The following CLVS2 variants were observed in gnomAD, a reference collection of about 807,000 sequenced individuals.
CLVS2 encodes clavesin 2, also known as clavesin-2.
CLVS2 carries 19 observed loss-of-function variants against 29.0 expected under a neutral mutation model. The ratio of observed to expected loss-of-function variants is 0.66; its 90% CI spans 0.46 to 0.96. CLVS2 has a LOEUF of 0.96. CLVS2 is among the 40% of genes least tolerant of loss of function. CLVS2 has a pLI of 0.00. For synonymous variants in CLVS2, 161 were observed against 151.3 expected, an observed-to-expected ratio of 1.06 and a Z score of -0.47; for missense variants, 294 against 404.1, an observed-to-expected ratio of 0.73 and a Z score of 2.34.
At chr6:123,058,758 G>A (rs1200640479) in intron 5 of CLVS2, among the ~76,000 whole-genome samples, 1 of 151,962 alleles carries the variant, frequency 6.6e-6, no homozygotes, top group Non-Finnish European at 1.5e-5. Flanking sequence ...CTCAAGCAAT[G>A]CTACCACCTC....
chr6:123,025,081 A>G (rs983032915), intron 3 of CLVS2, among the ~76,000 whole-genome samples: 2 of 152,140 alleles, frequency 1.3e-5, no homozygotes, highest in African/African-American at 4.8e-5. Context: ...TACCAAGGGT[A>G]TAAAATTACT....
rs1772903785 is a variant in CLVS2, at chr6:123,069,149, C to CTAT, written c.*5388_*5389insTAT. 6.6e-6 allele frequency: 1 copy of CTAT among 151,488 alleles called. No individual in the cohort carries two copies. Among genetic ancestry groups the CTAT allele is most frequent in the Non-Finnish European group, 1.5e-5 (1 of 67,722 alleles). 9.4% of individuals were successfully genotyped at this position (151,488 alleles called of 1,614,324 possible). A position where few individuals can be genotyped will look rare whatever the true frequency, so the allele number is the denominator to read the frequency against. On this transcript the variant is annotated 3_prime_UTR_variant, in exon 6 of 6. Coordinates refer to ENST00000275162, the MANE Select transcript of CLVS2 (RefSeq NM_001010852.4). ...ATTCTATAACTTCTAGTCAAACTTT[C>CTAT]AAATGAAAGTTTGAAAGAAGTAAAC...
intron 2 of CLVS2, among the ~76,000 whole-genome samples, chr6:123,004,354 T>C (rs1774633409): frequency 6.6e-6 from 1 of 152,204 alleles, no homozygotes; most frequent in African/African-American, 2.4e-5. Flanking sequence ...TTGTTCTCAC[T>C]CACCTACATT....
At position 123,014,782 on chromosome 6, in the gene CLVS2, A is replaced by G. The variant is rs371384659; in HGVS notation, c.564+3623A>G. Among the ~76,000 whole-genome samples, 7 of 152,200 alleles carry G rather than the reference A, an allele frequency of 4.6e-5. 1 individual carries two copies. Among genetic ancestry groups the G allele is most frequent in the African/African-American group, 1.7e-4 (7 of 41,550 alleles). The stretch of plus-strand genomic sequence containing the variant: ...ACTTTGGGAATCTGAATAATACCAT[A>G]GTATTCTTTTGGTGCTCAGACTTTA... On this transcript the variant is annotated intron_variant, in intron 3 of 5. Coordinates refer to ENST00000275162, the MANE Select transcript of CLVS2 (RefSeq NM_001010852.4).
chr6:123,010,646 C>T (rs1201705569), intron 2 of CLVS2, among the ~76,000 whole-genome samples: 1 of 151,998 alleles, frequency 6.6e-6, no homozygotes, highest in Non-Finnish European at 1.5e-5. Flanking sequence ...GTCAATATTA[C>T]TGAAGGCATT....
chr6:123,054,722 G>T (rs1453010629), intron 4 of CLVS2, among the ~76,000 whole-genome samples: 1 of 152,108 alleles, frequency 6.6e-6, no homozygotes, highest in African/African-American at 2.4e-5. Context: ...TGTTGTAGCA[G>T]AGAAGGCCAA....
intron 4 of CLVS2, among the ~76,000 whole-genome samples, chr6:123,052,665 T>G (rs569099572): frequency 1.3e-5 from 2 of 152,250 alleles, no homozygotes; most frequent in East Asian, 3.9e-4. Context: ...CCAAAAAGAT[T>G]TACTGACAAC....
chr6:123,061,219 C>T (rs4613837), intron 5 of CLVS2, among the ~76,000 whole-genome samples: 110,431 of 151,820 alleles, frequency 0.73, 40,360 homozygotes, highest in East Asian at 0.88. Context: ...ATCAGTTGAA[C>T]CCGGGAGGCG....
chr6:123,061,306 A>C (rs1772774313), intron 5 of CLVS2, among the ~76,000 whole-genome samples: 3 of 149,756 alleles, frequency 2.0e-5, no homozygotes, highest in African/African-American at 7.7e-5. Context: ...CAAACAAAAC[A>C]AAACCGAAAA....
rs1467050103 is a variant in CLVS2 at position 123,065,379 on chromosome 6, C to T, written c.*1618C>T. The T allele has an allele frequency of 6.6e-6, 1 of 151,662 alleles. No homozygotes were observed. Among genetic ancestry groups the T allele is most frequent in the African/African-American group, 2.4e-5 (1 of 41,348 alleles). The allele number at this position is 151,662 out of a possible 1,614,324, so 9.4% of individuals were successfully genotyped here. A position where few individuals can be genotyped will look rare whatever the true frequency, so the allele number is the denominator to read the frequency against. ...TTCATATTTTTTGGCCAAAAGCTCCCAAAATTTGTTATAATTCTGCAGCCA... is the reference window on the plus strand; with the variant it reads ...TTCATATTTTTTGGCCAAAAGCTCCTAAAATTTGTTATAATTCTGCAGCCA... On this transcript the variant is annotated 3_prime_UTR_variant, in exon 6 of 6. Coordinates refer to ENST00000275162, the MANE Select transcript of CLVS2 (RefSeq NM_001010852.4).
rs1026670353 is a variant in CLVS2 at position 123,066,188 on chromosome 6, C to T, written c.*2427C>T. ...TATTCATTCAACTTTATAAATTTAC[C>T]CCTCAGCACCAGCTATCTAGCACTG... On this transcript the variant is annotated 3_prime_UTR_variant, in exon 6 of 6. Transcript: ENST00000275162. 4 of 151,570 alleles carry T rather than the reference C, an allele frequency of 2.6e-5. No homozygotes were observed. Among genetic ancestry groups the T allele is most frequent in the African/African-American group, 9.7e-5 (4 of 41,332 alleles). The allele number at this position is 151,570 out of a possible 1,614,324, so 9.4% of individuals were successfully genotyped here.
At chr6:123,050,119 A>AG (rs1772582662) in intron 4 of CLVS2, among the ~76,000 whole-genome samples, 1 of 152,208 alleles carries the variant, frequency 6.6e-6, no homozygotes, top group Non-Finnish European at 1.5e-5. Context: ...ATAGTTTAGG[A>AG]GGAAGAATTC....
chr6:123,030,968 T>C (rs145083548), intron 3 of CLVS2, among the ~76,000 whole-genome samples: 2,452 of 151,902 alleles, frequency 0.016, 60 homozygotes, highest in African/African-American at 0.057. Flanking sequence ...GGTTTCACTC[T>C]GTTGCCCAGG....
chr6:123,008,173 T>C (rs933612349), intron 2 of CLVS2, among the ~76,000 whole-genome samples: 2 of 152,102 alleles, frequency 1.3e-5, no homozygotes, highest in Non-Finnish European at 2.9e-5. Flanking sequence ...AGTTAGCTAG[T>C]GTATTTTTAT....
chr6:123,026,774 T>C (rs1450938160), intron 3 of CLVS2, among the ~76,000 whole-genome samples: 10 of 152,178 alleles, frequency 6.6e-5, no homozygotes, highest in Admixed American at 6.6e-4. Flanking sequence ...TTCAGTCTGG[T>C]AGCCATCAAT....
Position 123,069,973 on chromosome 6 carries a change from A to G in CLVS2, c.*6212A>G, listed in dbSNP as rs1772917732. The G allele has an allele frequency of 6.6e-6, 1 of 151,968 alleles. No homozygotes were observed. Among genetic ancestry groups the G allele is most frequent in the East Asian group, 1.9e-4 (1 of 5,196 alleles). 9.4% of individuals were successfully genotyped at this position (151,968 alleles called of 1,614,324 possible). A position where few individuals can be genotyped will look rare whatever the true frequency, so the allele number is the denominator to read the frequency against. On this transcript the variant is annotated 3_prime_UTR_variant, in exon 6 of 6. Transcript: ENST00000275162. ...CCACTTAAGAAAAAAATCCTATGTT[A>G]TACATATATGAACATAATTCACTTA...
intron 3 of CLVS2, among the ~76,000 whole-genome samples, chr6:123,041,741 C>T (rs550221905): frequency 1.3e-5 from 2 of 152,058 alleles, no homozygotes; most frequent in Non-Finnish European, 2.9e-5. Context: ...TACATGTTGA[C>T]ACAATTATAT....
chr6:123,054,293 CT>C (rs1194821346), intron 4 of CLVS2, among the ~76,000 whole-genome samples: 2 of 152,072 alleles, frequency 1.3e-5, no homozygotes, highest in Non-Finnish European at 2.9e-5. Context: ...ATGTGTTTTC[CT>C]GGATATAAAT....
chr6:123,024,857 A>G (rs922569482), intron 3 of CLVS2, among the ~76,000 whole-genome samples: 11 of 152,126 alleles, frequency 7.2e-5, no homozygotes, highest in Non-Finnish European at 1.3e-4. Flanking sequence ...AGCTTTGGAT[A>G]TAATTATTAA....
Sources: gnomAD v4.1 joint callset for allele counts (sites outside exome capture counted in the v4.1 genomes callset) on GRCh38, gnomAD v4.1.1 for gene constraint, MANE v1.5 for transcripts, NCBI Gene and HGNC (gene_info 2026-07-23, HGNC 2026-07-21) for gene names.